The following NLGN1 variants were observed in gnomAD, a reference collection of about 807,000 sequenced individuals.
The protein encoded by NLGN1 is neuroligin 1.
In NLGN1, 12 loss-of-function variants were observed where a neutral mutation model predicts 65.5. That is an observed-to-expected ratio of 0.18 (90% CI 0.12 to 0.30). NLGN1 has a LOEUF of 0.30. Ranked by LOEUF, NLGN1 falls within the 10% of genes least tolerant of loss-of-function variation. NLGN1 has a pLI of 1.00. For missense variants in NLGN1, 750 were observed against 1,007.1 expected (o/e 0.74, Z 3.46); for synonymous variants, 350 against 359.5 (o/e 0.97, Z 0.30).
chr3:173,664,669 C>T (rs1761448882), intron 3 of NLGN1, among the ~76,000 whole-genome samples: 1 of 152,108 alleles, frequency 6.6e-6, no homozygotes, highest in Non-Finnish European at 1.5e-5. Flanking sequence ...ATGGAATCCT[C>T]AGAGCCACAT....
At chr3:173,549,151 A>C (rs985831413) in intron 2 of NLGN1, among the ~76,000 whole-genome samples, 3 of 151,966 alleles carry the variant, frequency 2.0e-5, no homozygotes, top group Non-Finnish European at 4.4e-5. Flanking sequence ...GGATTGAAAT[A>C]GTTTGTAACT....
chr3:174,112,819 T>G (rs901023264), intron 4 of NLGN1, among the ~76,000 whole-genome samples: 1 of 151,924 alleles, frequency 6.6e-6, no homozygotes, highest in African/African-American at 2.4e-5. Flanking sequence ...ATTAAAGAAT[T>G]TGACACGGTG....
intron 2 of NLGN1, among the ~76,000 whole-genome samples, chr3:173,468,666 C>T (rs963328757): frequency 7.2e-5 from 11 of 151,974 alleles, no homozygotes; most frequent in Non-Finnish European, 1.5e-4. Context: ...AACGTTTTCC[C>T]ATGTTTTGTG....
intron 2 of NLGN1, among the ~76,000 whole-genome samples, chr3:173,484,428 G>A (rs1160475092): frequency 2.0e-5 from 3 of 152,050 alleles, no homozygotes; most frequent in Non-Finnish European, 4.4e-5. Flanking sequence ...GATGGAATGT[G>A]TAAGAGAAAT....
intron 4 of NLGN1, among the ~76,000 whole-genome samples, chr3:174,155,421 G>A (rs190317715): frequency 6.6e-6 from 1 of 151,978 alleles, no homozygotes; most frequent in Non-Finnish European, 1.5e-5. Context: ...AGTACTGCAA[G>A]AGAAGATTGC....
chr3:173,986,129 A>G (rs1719850560), intron 4 of NLGN1, among the ~76,000 whole-genome samples: 1 of 152,140 alleles, frequency 6.6e-6, no homozygotes, highest in Admixed American at 6.6e-5. Context: ...GTCATACGGG[A>G]GTAGAGTGGA....
chr3:173,672,681 G>A (rs1327111271), intron 3 of NLGN1, among the ~76,000 whole-genome samples: 4 of 152,150 alleles, frequency 2.6e-5, no homozygotes, highest in Non-Finnish European at 5.9e-5. Flanking sequence ...TCCTGACCAT[G>A]TAAGACGCTT....
At chr3:174,269,912 A>ATGAT (rs1325066379) in intron 4 of NLGN1, among the ~76,000 whole-genome samples, 1 of 151,798 alleles carries the variant, frequency 6.6e-6, no homozygotes, top group African/African-American at 2.4e-5. Flanking sequence ...GCATTTTTTA[A>ATGAT]TGATTAGTGA....
intron 4 of NLGN1, among the ~76,000 whole-genome samples, chr3:174,100,967 T>C (rs1712309784): frequency 6.6e-6 from 1 of 152,074 alleles, no homozygotes; most frequent in Non-Finnish European, 1.5e-5. Flanking sequence ...CGTTTTCCCC[T>C]CTGCAGCAAG....
intron 4 of NLGN1, among the ~76,000 whole-genome samples, chr3:174,173,016 T>C (rs549565790): frequency 6.6e-6 from 1 of 152,192 alleles, no homozygotes; most frequent in South Asian, 2.1e-4. Flanking sequence ...TTGAAAGTTT[T>C]TATTGTAGAG....
chr3:174,283,940 C>A (rs1751834281), exon 7 of NLGN1: 1 of 151,312 alleles, frequency 6.6e-6, no homozygotes, highest in African/African-American at 2.4e-5. Context: ...TGAATGAATA[C>A]TTTCATATGC....
chr3:173,408,991 C>G (rs1711924853), intron 1 of NLGN1, among the ~76,000 whole-genome samples: 1 of 151,896 alleles, frequency 6.6e-6, no homozygotes, highest in South Asian at 2.1e-4. Flanking sequence ...TCCTGGTATG[C>G]TATTTTGAAT....
chr3:173,784,774 T>G (rs1433479820), intron 3 of NLGN1, among the ~76,000 whole-genome samples: 1 of 152,146 alleles, frequency 6.6e-6, no homozygotes, highest in Non-Finnish European at 1.5e-5. Context: ...AAATGAAGAT[T>G]TGTAAATATA....
intron 4 of NLGN1, among the ~76,000 whole-genome samples, chr3:173,985,391 A>T (rs756365360): frequency 1.3e-5 from 2 of 152,144 alleles, no homozygotes; most frequent in Non-Finnish European, 2.9e-5. Context: ...CTCAAAAGCT[A>T]TGCAAATTCT....
intron 3 of NLGN1, among the ~76,000 whole-genome samples, chr3:173,727,495 A>G (rs753360002): frequency 1.3e-5 from 2 of 152,100 alleles, no homozygotes; most frequent in Non-Finnish European, 2.9e-5. Flanking sequence ...AGCACCTTAA[A>G]CTATCTCCTG....
intron 4 of NLGN1, among the ~76,000 whole-genome samples, chr3:173,820,574 C>G (rs1261286975): frequency 6.6e-6 from 1 of 152,074 alleles, no homozygotes; most frequent in Non-Finnish European, 1.5e-5. Context: ...TGCATATGTA[C>G]CTATGATAAA....
At chr3:173,563,946 G>C (rs996216269) in intron 2 of NLGN1, among the ~76,000 whole-genome samples, 1 of 152,144 alleles carries the variant, frequency 6.6e-6, no homozygotes, top group Non-Finnish European at 1.5e-5. Context: ...CTTCTGCTCA[G>C]ATTCCTGCAA....
At chr3:173,621,586 T>C (rs1014215847) in intron 3 of NLGN1, among the ~76,000 whole-genome samples, 2 of 152,006 alleles carry the variant, frequency 1.3e-5, no homozygotes, top group African/African-American at 4.8e-5. Flanking sequence ...AGTAGAGAAT[T>C]AATTACAGGA....
chr3:173,508,830 G>A (rs78669570), intron 2 of NLGN1, among the ~76,000 whole-genome samples: 7,772 of 152,236 alleles, frequency 0.051, 243 homozygotes, highest in Middle Eastern at 0.17. Flanking sequence ...GAATATGAGG[G>A]AGGCAGACTG....
Sources: allele counts gnomAD v4.1 joint callset (sites outside exome capture counted in the v4.1 genomes callset), GRCh38; gene constraint gnomAD v4.1.1; transcripts MANE v1.5; gene names NCBI Gene and HGNC (gene_info 2026-07-23, HGNC 2026-07-21).